The following GABRB2 variants were observed in gnomAD, a reference collection of about 807,000 sequenced individuals.
GABRB2 encodes gamma-aminobutyric acid type A receptor subunit beta2, also known as gamma-aminobutyric acid receptor subunit beta-2.
In GABRB2, 16 loss-of-function variants were observed where a neutral mutation model predicts 54.7. That is an observed-to-expected ratio of 0.29 (90% CI 0.20 to 0.44). The LOEUF (loss-of-function observed/expected upper bound fraction) is 0.44. GABRB2 is among the 20% of genes least tolerant of loss of function. GABRB2 has a pLI of 1.00. For synonymous variants in GABRB2, 244 were observed against 233.8 expected (o/e 1.04, Z -0.40); for missense variants, 355 against 644.0 (o/e 0.55, Z 4.86).
intron 4 of GABRB2, among the ~76,000 whole-genome samples, chr5:161,437,924 CCT>C (rs1276903290): frequency 6.6e-6 from 1 of 152,142 alleles, no homozygotes; most frequent in African/African-American, 2.4e-5. Flanking sequence ...GGCTCCAGTC[CCT>C]GAGTACTGCA....
chr5:161,313,184 TAG>T (rs544480136), intron 9 of GABRB2, among the ~76,000 whole-genome samples: 18 of 152,304 alleles, frequency 1.2e-4, no homozygotes, highest in Admixed American at 2.0e-4. Context: ...AGGCCTGGAA[TAG>T]AGTCTCGTGT....
chr5:161,468,686 G>C (rs182385754), intron 3 of GABRB2, among the ~76,000 whole-genome samples: 16 of 151,926 alleles, frequency 1.1e-4, no homozygotes, highest in African/African-American at 3.9e-4. Context: ...AGCTTTCTTA[G>C]CTTATTCACT....
At chr5:161,435,787 T>C (rs957813843) in intron 4 of GABRB2, among the ~76,000 whole-genome samples, 3 of 152,206 alleles carry the variant, frequency 2.0e-5, no homozygotes, top group African/African-American at 7.2e-5. Context: ...ATCTAGCCTA[T>C]AGATATAGTA....
At chr5:161,512,651 C>A (rs1759812583) in intron 3 of GABRB2, among the ~76,000 whole-genome samples, 1 of 152,000 alleles carries the variant, frequency 6.6e-6, no homozygotes, top group South Asian at 2.1e-4. Flanking sequence ...TGGACATTAG[C>A]TTTGGGAAAG....
intron 5 of GABRB2, among the ~76,000 whole-genome samples, chr5:161,385,847 G>C (rs1303592496): frequency 6.6e-6 from 1 of 151,974 alleles, no homozygotes; most frequent in Non-Finnish European, 1.5e-5. Flanking sequence ...GTGGAAGACA[G>C]ATTATAAGAA....
chr5:161,474,598 A>G (rs1356069110), intron 3 of GABRB2, among the ~76,000 whole-genome samples: 7 of 151,940 alleles, frequency 4.6e-5, no homozygotes, highest in Admixed American at 4.6e-4. Flanking sequence ...GAAGAAACAC[A>G]TTTTCAGAAG....
chr5:161,414,765 CAAT>C (rs1391421878), intron 4 of GABRB2, among the ~76,000 whole-genome samples: 1 of 151,294 alleles, frequency 6.6e-6, no homozygotes, highest in African/African-American at 2.4e-5. Context: ...ACAAATATAA[CAAT>C]AAATAAAACA....
At chr5:161,326,627 G>A in intron 8 of GABRB2, 146 bp from the exon 9 acceptor site, 3 of 1,050,648 alleles carry the variant, frequency 2.9e-6, no homozygotes, top group Non-Finnish European at 3.8e-6. Context: ...GGGAATTTGA[G>A]TAAGTTTTTA....
At chr5:161,404,597 T>C (rs1337243217) in intron 5 of GABRB2, among the ~76,000 whole-genome samples, 1 of 152,044 alleles carries the variant, frequency 6.6e-6, no homozygotes, top group African/African-American at 2.4e-5. Flanking sequence ...CAGAAAAATA[T>C]TAGAGTTTTA....
intron 9 of GABRB2, among the ~76,000 whole-genome samples, chr5:161,301,854 C>T (rs957938424): frequency 6.6e-6 from 1 of 152,000 alleles, no homozygotes; most frequent in Admixed American, 6.6e-5. Flanking sequence ...CCCAGTCCAG[C>T]TTTAAATCCC....
chr5:161,412,714 T>G (rs1335762274), intron 4 of GABRB2, among the ~76,000 whole-genome samples: 1 of 152,184 alleles, frequency 6.6e-6, no homozygotes, highest in African/African-American at 2.4e-5. Context: ...ACTTGTTCTC[T>G]CTGCCTAGAA....
chr5:161,522,774 G>A (rs765758597), intron 3 of GABRB2, among the ~76,000 whole-genome samples: 1 of 151,498 alleles, frequency 6.6e-6, no homozygotes, highest in Admixed American at 6.6e-5. Context: ...GTCCTGAATC[G>A]TAGCCCAGTG....
intron 4 of GABRB2, among the ~76,000 whole-genome samples, chr5:161,441,918 A>G (rs1188333998): frequency 6.6e-6 from 1 of 152,158 alleles, no homozygotes; most frequent in Admixed American, 6.5e-5. Flanking sequence ...GAACTCATAG[A>G]CATAGAGTGA....
intron 3 of GABRB2, among the ~76,000 whole-genome samples, chr5:161,522,207 A>G (rs770898357): frequency 6.6e-6 from 1 of 151,850 alleles, no homozygotes; most frequent in African/African-American, 2.4e-5. Flanking sequence ...GTTATCACAC[A>G]TTTGAGATTA....
chr5:161,334,208 T>A (rs1580987653), intron 7 of GABRB2, among the ~76,000 whole-genome samples: 2 of 152,292 alleles, frequency 1.3e-5, no homozygotes. Context: ...GTTCATGAAA[T>A]GTAATTTATT....
intron 9 of GABRB2, among the ~76,000 whole-genome samples, chr5:161,311,223 T>A (rs3850732): frequency 0.13 from 19,334 of 152,198 alleles, 1,737 homozygotes; most frequent in African/African-American, 0.22. Flanking sequence ...CTAAAGGTCC[T>A]GAGAAATATT....
intron 3 of GABRB2, among the ~76,000 whole-genome samples, chr5:161,461,139 A>G (rs1436087151): frequency 6.6e-6 from 1 of 152,222 alleles, no homozygotes. Flanking sequence ...TGGCTAACTT[A>G]TTATGGTAGT....
intron 3 of GABRB2, among the ~76,000 whole-genome samples, chr5:161,518,314 A>G (rs1760012951): frequency 6.6e-6 from 1 of 152,206 alleles, no homozygotes; most frequent in Admixed American, 6.5e-5. Context: ...GGCTTAAAAA[A>G]TGAATTATTT....
intron 5 of GABRB2, among the ~76,000 whole-genome samples, chr5:161,359,810 C>T (rs1389147069): frequency 2.0e-5 from 3 of 152,068 alleles, no homozygotes; most frequent in Non-Finnish European, 4.4e-5. Context: ...AGGCCGGGTG[C>T]GGTGGCTCAT....
Sources: allele counts gnomAD v4.1 joint callset (sites outside exome capture counted in the v4.1 genomes callset), GRCh38; gene constraint gnomAD v4.1.1; transcripts MANE v1.5; gene names NCBI Gene and HGNC (gene_info 2026-07-23, HGNC 2026-07-21).